GALNT10: variants seen among roughly 807,000 people sequenced by gnomAD.
GALNT10 encodes the protein GalNAc transferase 10.
A neutral mutation model predicts 75.0 loss-of-function variants in GALNT10; 41 were observed. The observed-to-expected ratio is 0.55, with a 90% confidence interval of 0.43 to 0.71. The LOEUF (loss-of-function observed/expected upper bound fraction) is 0.71. GALNT10 is among the 30% of genes least tolerant of loss of function. The pLI, the probability that GALNT10 is intolerant of heterozygous loss-of-function variation, is 0.00. For synonymous variants in GALNT10, 302 were observed against 313.0 expected (o/e 0.96, Z 0.37); for missense variants, 727 against 818.5 (o/e 0.89, Z 1.36).
At chr5:154,350,247 C>T (rs753789915) in intron 4 of GALNT10, among the ~76,000 whole-genome samples, 12 of 152,054 alleles carry the variant, frequency 7.9e-5, no homozygotes, top group Non-Finnish European at 1.2e-4. Context: ...GGGTAGGGGC[C>T]AGTGGTTGTT....
chr5:154,302,707 C>T (rs1754378568), intron 3 of GALNT10, among the ~76,000 whole-genome samples: 2 of 152,194 alleles, frequency 1.3e-5, no homozygotes, highest in African/African-American at 4.8e-5. Context: ...ACCTGTGTTG[C>T]AACAAAAGGC....
chr5:154,226,843 C>T (rs1753070678), intron 1 of GALNT10, among the ~76,000 whole-genome samples: 1 of 152,076 alleles, frequency 6.6e-6, no homozygotes, highest in South Asian at 2.1e-4. Flanking sequence ...CCTCCTGTCC[C>T]TCCTGCACCT....
intron 1 of GALNT10, among the ~76,000 whole-genome samples, chr5:154,254,253 C>G (rs10068250): frequency 0.015 from 2,311 of 152,138 alleles, 48 homozygotes; most frequent in African/African-American, 0.053. Flanking sequence ...ATGGATTTTT[C>G]TATGTTTGCT....
rs572168761 is a variant in GALNT10, at chr5:154,208,294, T to C, written c.159+17269T>C. Among the ~76,000 whole-genome samples, 158 of 151,914 alleles carry C rather than the reference T, an allele frequency of 1.0e-3. 1 individual carries two copies. The highest frequency in any genetic ancestry group is 3.6e-3 in the African/African-American group (151 of 41,428). On this transcript the variant is annotated intron_variant, in intron 1 of 11. Transcript: ENST00000297107. ...AGTGGGATGCATGCCATAGGTGGAG[T>C]GAGCACAGGCCTGAGAGCACAGTGA... is the stretch of plus-strand genomic sequence containing the variant.
intron 3 of GALNT10, among the ~76,000 whole-genome samples, chr5:154,325,226 G>C (rs1259790696): frequency 6.6e-6 from 1 of 152,090 alleles, no homozygotes; most frequent in Admixed American, 6.5e-5. Context: ...AAATTTGACT[G>C]TAGATTCCTA....
intron 4 of GALNT10, among the ~76,000 whole-genome samples, chr5:154,330,811 G>C (rs1028199307): frequency 5.3e-5 from 8 of 152,106 alleles, no homozygotes; most frequent in Non-Finnish European, 8.8e-5. Flanking sequence ...AATTGCAGCT[G>C]ACAGTTTCAG....
intron 1 of GALNT10, among the ~76,000 whole-genome samples, chr5:154,257,334 C>G (rs1013295203): frequency 9.9e-5 from 15 of 152,142 alleles, no homozygotes; most frequent in African/African-American, 3.6e-4. Flanking sequence ...ACTATACTTT[C>G]ACCTGACCAA....
chr5:154,400,289 G>A (rs1756132042), intron 7 of GALNT10, among the ~76,000 whole-genome samples: 1 of 152,186 alleles, frequency 6.6e-6, no homozygotes, highest in Admixed American at 6.5e-5. Flanking sequence ...GGACTGCCCT[G>A]CTGGGTGCTC....
chr5:154,244,844 CT>C (rs1753396114), intron 1 of GALNT10, among the ~76,000 whole-genome samples: 1 of 152,222 alleles, frequency 6.6e-6, no homozygotes, highest in Non-Finnish European at 1.5e-5. Context: ...GAGGTTGGGA[CT>C]TTCCCAGCAG....
chr5:154,286,470 A>G lies in GALNT10; in HGVS notation c.160-8346A>G, dbSNP rs1754114176. Among the ~76,000 whole-genome samples, 6 of 152,068 alleles carry G rather than the reference A, an allele frequency of 3.9e-5. No homozygotes were observed. The South Asian group carries it at 1.2e-3, about 32-fold the overall frequency. Reference sequence around the variant, plus strand: ...AAATTGTTCTTTTAGAATGGAAGGGAAAAGCTACTGAAGGTTCTATTTGCC... The same window carrying G: ...AAATTGTTCTTTTAGAATGGAAGGGGAAAGCTACTGAAGGTTCTATTTGCC... On this transcript the variant is annotated intron_variant, in intron 1 of 11. Transcript: ENST00000297107.
chr5:154,266,184 T>C (rs192801848), intron 1 of GALNT10, among the ~76,000 whole-genome samples: 212 of 152,292 alleles, frequency 1.4e-3, no homozygotes, highest in African/African-American at 4.8e-3. Context: ...TATTCAAATA[T>C]AATACATTCT....
At position 154,409,715 on chromosome 5, in the gene GALNT10, C is replaced by T. The variant is rs1582018725; in HGVS notation, c.1339C>T (p.Pro447Ser). 6.2e-7 allele frequency: 1 copy of T among 1,614,138 alleles called. No homozygotes were observed. Among genetic ancestry groups the T allele is most frequent in the East Asian group, 2.2e-5 (1 of 44,878 alleles). The part of the protein sequence containing the change: ...WFMTKIAWDL[P>S]KFYPPVEPPA... ...TATGACGAAGATAGCCTGGGACCTG[C>T]CCAAATTCTACCCACCCGTGGAGCC... Residue 447 changes from proline (P) to serine (S), a missense_variant, in exon 9 of 12, where the codon CCC becomes TCC. Coordinates refer to ENST00000297107, the MANE Select transcript of GALNT10 (RefSeq NM_198321.4). This position sits in a 1 kb window ranked among gnomAD's most constrained non-coding sequence, Gnocchi z 4.5.
chr5:154,364,300 A>G (rs963943117), intron 4 of GALNT10, among the ~76,000 whole-genome samples: 2 of 152,230 alleles, frequency 1.3e-5, no homozygotes, highest in Admixed American at 6.5e-5. Context: ...AACTGTCACC[A>G]TATGACATCA....
rs75646599 is a variant in GALNT10, at chr5:154,282,238, C to T, written c.160-12578C>T. 4.7e-3 allele frequency among the ~76,000 whole-genome samples: 713 copies of T among 152,272 alleles called. 27 individuals are homozygous for T. In the East Asian group the frequency reaches 0.1, roughly 22 times the overall value. On this transcript the variant is annotated intron_variant, in intron 1 of 11. Coordinates refer to ENST00000297107, the MANE Select transcript of GALNT10 (RefSeq NM_198321.4). ...CTCTCCATAACAGCATTAATCCATT[C>T]GTCAGGGCAGAGCTCTCATGAGCTA...
intron 1 of GALNT10, among the ~76,000 whole-genome samples, chr5:154,216,918 G>GA (rs35510232): frequency 0.011 from 1,661 of 150,184 alleles, 20 homozygotes; most frequent in African/African-American, 0.036. Context: ...GTCAACTTAT[G>GA]AAAAAAAAAA....
intron 3 of GALNT10, among the ~76,000 whole-genome samples, chr5:154,301,113 G>A (rs547047408): frequency 3.3e-5 from 5 of 152,300 alleles, no homozygotes; most frequent in Non-Finnish European, 5.9e-5. Context: ...AAGAGTCCTG[G>A]GATCCACAGA....
intron 3 of GALNT10, among the ~76,000 whole-genome samples, chr5:154,314,948 T>C (rs1232339041): frequency 6.6e-6 from 1 of 152,046 alleles, no homozygotes; most frequent in Non-Finnish European, 1.5e-5. Context: ...TAATTGCTCT[T>C]AATGTCATGA....
chr5:154,281,906 A>AC (rs1440626541), intron 1 of GALNT10, among the ~76,000 whole-genome samples: 1 of 152,214 alleles, frequency 6.6e-6, no homozygotes, highest in Non-Finnish European at 1.5e-5. Flanking sequence ...GCAGCAAGAT[A>AC]GAGGAAGGGA....
intron 1 of GALNT10, among the ~76,000 whole-genome samples, chr5:154,248,719 T>G (rs939410144): frequency 1.8e-4 from 28 of 152,366 alleles, no homozygotes; most frequent in African/African-American, 6.5e-4. Context: ...TTATTAGTCT[T>G]GCTAGTGGTC....
Sources: allele counts gnomAD v4.1 joint callset (sites outside exome capture counted in the v4.1 genomes callset), GRCh38; gene constraint gnomAD v4.1.1; non-coding constraint Gnocchi (gnomAD v3.1); transcripts MANE v1.5; gene names NCBI Gene and HGNC (gene_info 2026-07-23, HGNC 2026-07-21).